Variants in SCAI observed in about 807,000 individuals in gnomAD.
SCAI encodes protein SCAI.
A neutral mutation model predicts 92.2 loss-of-function variants in SCAI; 24 were observed. The ratio of observed to expected loss-of-function variants is 0.26; its 90% confidence interval spans 0.19 to 0.37. The LOEUF is 0.37. Among genes scored for constraint, SCAI ranks in the 10% least tolerant of loss-of-function variants. The probability of loss-of-function intolerance (pLI) is 1.00; values close to 1 mark genes in which losing one functional copy is unlikely to be tolerated. For synonymous variants in SCAI, 261 were observed against 258.6 expected, an observed-to-expected ratio of 1.01 and a Z score of -0.09; for missense variants, 450 against 736.2, an observed-to-expected ratio of 0.61 and a Z score of 4.50.
At chr9:125,032,564 T>C (rs2052601) in intron 3 of SCAI, among the ~76,000 whole-genome samples, 34,287 of 150,606 alleles carry the variant, frequency 0.23, 4,834 homozygotes, top group Non-Finnish European at 0.31. Context: ...TTGGGCAAGG[T>C]ATATTGTGAA....
rs75160309 is a variant in SCAI at position 124,987,654 on chromosome 9, C to T, written c.1326+7280G>A. On this transcript the variant is annotated intron_variant, in intron 14 of 17. Coordinates refer to ENST00000336505, the MANE Select transcript of SCAI (RefSeq NM_001144877.3). ...ACAATAGCTCCCTCATTTCATCATT[C>T]AACATGCACTGATTAAGACTCTTTT... Among the ~76,000 whole-genome samples, 13 of 152,222 alleles carry T rather than the reference C, an allele frequency of 8.5e-5. No homozygotes were observed. In the East Asian group the frequency reaches 2.5e-3, roughly 29 times the overall value.
chr9:125,078,332 G>C (rs1834137412), intron 2 of SCAI, among the ~76,000 whole-genome samples: 1 of 152,120 alleles, frequency 6.6e-6, no homozygotes, highest in Non-Finnish European at 1.5e-5. Flanking sequence ...TTCAAGACCA[G>C]CCTGGCAAAT....
At chr9:124,988,452 T>C (rs1043929136) in intron 14 of SCAI, among the ~76,000 whole-genome samples, 1 of 152,108 alleles carries the variant, frequency 6.6e-6, no homozygotes. Context: ...ATCACTGATA[T>C]TCTCAAAGGA....
intron 14 of SCAI, among the ~76,000 whole-genome samples, chr9:124,979,395 C>T (rs1831831003): frequency 6.6e-6 from 1 of 151,456 alleles, no homozygotes. Context: ...CAAAAATTAG[C>T]CGGGCATGGT....
intron 3 of SCAI, among the ~76,000 whole-genome samples, chr9:125,048,740 A>T (rs987817554): frequency 7.3e-6 from 1 of 137,462 alleles, no homozygotes; most frequent in South Asian, 2.3e-4. Context: ...TTATTTATTT[A>T]ATTTTATTTT....
Position 124,999,881 on chromosome 9 carries a change from G to C in SCAI, c.1244+10C>G. On this transcript the variant is annotated intron_variant, in intron 13 of 17. Coordinates refer to ENST00000336505, the MANE Select transcript of SCAI (RefSeq NM_001144877.3). ...ATTTTTATAATAAGAGTAGACACCA[G>C]AATACATACCAGTGCATTTCCTTGT... The C allele has an allele frequency of 7.4e-7, 1 of 1,356,320 alleles. No individual in the cohort carries two copies. The highest frequency in any genetic ancestry group is 1.3e-5 in the South Asian group (1 of 78,846). 84.0% of individuals were successfully genotyped at this position (1,356,320 alleles called of 1,614,324 possible). A position where few individuals can be genotyped will look rare whatever the true frequency, so the allele number is the denominator to read the frequency against.
intron 2 of SCAI, among the ~76,000 whole-genome samples, chr9:125,139,290 G>A (rs1835612233): frequency 6.6e-6 from 1 of 152,168 alleles, no homozygotes; most frequent in African/African-American, 2.4e-5. Context: ...ATGCACATCT[G>A]TAGTCCCAGC....
Position 125,026,804 on chromosome 9 carries a change from A to C in SCAI, c.512+8T>G. On this transcript the variant is annotated splice_region_variant and intron_variant, in intron 6 of 17. Transcript: ENST00000336505. ...CCTCATCTTTCTAAAAACATAGCAG[A>C]TACATACCTGTCCTCTTTATTGACT... 93 of 1,347,956 alleles carry C rather than the reference A, an allele frequency of 6.9e-5. No individual in the cohort carries two copies. The highest frequency in any genetic ancestry group is 1.8e-4 in the Middle Eastern group (1 of 5,486). 83.5% of individuals were successfully genotyped at this position (1,347,956 alleles called of 1,614,324 possible).
chr9:125,053,054 C>T lies in SCAI; in HGVS notation c.230+2822G>A, dbSNP rs377560785. Among the ~76,000 whole-genome samples, 5 of 152,260 alleles carry T rather than the reference C, an allele frequency of 3.3e-5. 1 individual carries two copies. Among genetic ancestry groups the T allele is most frequent in the African/African-American group, 1.2e-4 (5 of 41,570 alleles). ...ACTATATGACCCAGGAATTCTACTCCTTGGTATATGGCCAAGAGAATCGTA... is the reference window on the plus strand; with the variant it reads ...ACTATATGACCCAGGAATTCTACTCTTTGGTATATGGCCAAGAGAATCGTA... On this transcript the variant is annotated intron_variant, in intron 3 of 17. Transcript: ENST00000336505.
intron 2 of SCAI, among the ~76,000 whole-genome samples, chr9:125,134,170 C>T (rs1212053100): frequency 6.6e-6 from 1 of 152,302 alleles, no homozygotes; most frequent in Admixed American, 6.5e-5. Flanking sequence ...TCAATAGTCA[C>T]ACTACCAACA....
At chr9:125,101,062 A>G (rs1192603823) in intron 2 of SCAI, among the ~76,000 whole-genome samples, 1 of 151,840 alleles carries the variant, frequency 6.6e-6, no homozygotes, top group Non-Finnish European at 1.5e-5. Flanking sequence ...CCATCTCTTA[A>G]CAACAACAAC....
intron 14 of SCAI, among the ~76,000 whole-genome samples, chr9:124,977,551 G>C (rs939227796): frequency 6.6e-6 from 1 of 152,168 alleles, no homozygotes; most frequent in African/African-American, 2.4e-5. Flanking sequence ...GTACATGCTT[G>C]CAGTCCCAGC....
At chr9:125,002,589 TCTC>T (rs1832385474) in intron 11 of SCAI, among the ~76,000 whole-genome samples, 1 of 146,130 alleles carries the variant, frequency 6.8e-6, no homozygotes, top group African/African-American at 2.5e-5. Context: ...TTCAAGTAAT[TCTC>T]CTTCCTCAGC....
chr9:125,142,279 G>T, intron 2 of SCAI: 1 of 191,288 alleles, frequency 5.2e-6, no homozygotes, highest in Non-Finnish European at 1.1e-5. Flanking sequence ...TGGGATTGAA[G>T]GCATGAGCCA....
intron 2 of SCAI, among the ~76,000 whole-genome samples, chr9:125,137,749 C>T (rs1176691651): frequency 6.6e-6 from 1 of 152,090 alleles, no homozygotes; most frequent in Non-Finnish European, 1.5e-5. Flanking sequence ...TACAGGCACG[C>T]GCCACCATGC....
intron 2 of SCAI, among the ~76,000 whole-genome samples, chr9:125,084,152 C>T (rs1274193072): frequency 8.0e-6 from 1 of 125,574 alleles, no homozygotes; most frequent in African/African-American, 3.1e-5. Context: ...GGACTCTTGG[C>T]TGCTGCTTTT....
rs373681745 is a variant in SCAI, at chr9:125,085,773, T to C, written c.99-29766A>G. 2.0e-4 allele frequency among the ~76,000 whole-genome samples: 30 copies of C among 152,224 alleles called. No homozygotes were observed. In the East Asian group the frequency reaches 5.2e-3, roughly 26 times the overall value. On this transcript the variant is annotated intron_variant, in intron 2 of 17. Coordinates refer to ENST00000336505, the MANE Select transcript of SCAI (RefSeq NM_001144877.3). ...CAAAGCGAGACCTTGTCTCAAAATA[T>C]ATATGATAATTCTTTGCTGCTGAGA...
At chr9:124,980,996 T>C (rs1016387225) in intron 14 of SCAI, among the ~76,000 whole-genome samples, 2 of 152,234 alleles carry the variant, frequency 1.3e-5, no homozygotes, top group African/African-American at 4.8e-5. Flanking sequence ...GATCTATTCA[T>C]TAATTAATTT....
At chr9:125,125,897 C>T (rs971389779) in intron 2 of SCAI, among the ~76,000 whole-genome samples, 36 of 129,608 alleles carry the variant, frequency 2.8e-4, no homozygotes, top group Non-Finnish European at 2.3e-4. Flanking sequence ...CTCATGCATG[C>T]GTGCGTACAC....
Sources: allele counts gnomAD v4.1 joint callset (sites outside exome capture counted in the v4.1 genomes callset), GRCh38; gene constraint gnomAD v4.1.1; transcripts MANE v1.5; gene names NCBI Gene and HGNC (gene_info 2026-07-23, HGNC 2026-07-21).